The following CDC42BPA variants were observed in gnomAD, a reference collection of about 807,000 sequenced individuals.
CDC42BPA encodes CDC42 binding protein kinase alpha.
A neutral mutation model predicts 223.5 loss-of-function variants in CDC42BPA; 80 were observed. That is an observed-to-expected ratio of 0.36 (90% confidence interval 0.30 to 0.43). CDC42BPA has a LOEUF of 0.43. Ranked by LOEUF, CDC42BPA falls within the 20% of genes least tolerant of loss-of-function variation. The pLI is 1.00. For synonymous variants in CDC42BPA, 694 were observed against 718.6 expected (o/e 0.97, Z 0.55); for missense variants, 1,743 against 2,099.9 (o/e 0.83, Z 3.32).
At chr1:227,040,307 C>G (rs1671116491) in intron 23 of CDC42BPA, 71 bp from the exon 24 acceptor site, 2 of 837,690 alleles carry the variant, frequency 2.4e-6, no homozygotes, top group Non-Finnish European at 4.0e-6. Flanking sequence ...CCTTATGCCC[C>G]ATACCACTTT....
intron 34 of CDC42BPA, chr1:227,010,748 C>T (rs939636206): frequency 2.1e-5 from 6 of 291,764 alleles, no homozygotes; most frequent in Non-Finnish European, 3.6e-5. Context: ...AGAAGTTTGG[C>T]AGAAGAGAAA....
chr1:226,990,845 T>A lies in CDC42BPA; in HGVS notation c.*3423A>T, dbSNP rs1360962363. 1 of 152,662 alleles carries A rather than the reference T, an allele frequency of 6.6e-6. No homozygotes were observed. 9.5% of individuals were successfully genotyped at this position (152,662 alleles called of 1,614,324 possible). On this transcript the variant is annotated 3_prime_UTR_variant, in exon 37 of 37. Coordinates refer to ENST00000366766, the MANE Select transcript of CDC42BPA (RefSeq NM_001394014.1). ...GAGCTAGCCAGGAATGATAGATTGT[T>A]GCTGTAAACATGACAGGAATTTCAG... is the stretch of plus-strand genomic sequence containing the variant.
At chr1:227,273,857 G>GAAAAAAAAAAA (rs11295895) in intron 1 of CDC42BPA, among the ~76,000 whole-genome samples, 3 of 133,950 alleles carry the variant, frequency 2.2e-5, no homozygotes, top group Non-Finnish European at 3.2e-5. Context: ...AAGAAACAAG[G>GAAAAAAAAAAA]AAAAAAAAAA....
intron 9 of CDC42BPA, among the ~76,000 whole-genome samples, chr1:227,141,536 A>G (rs1659666269): frequency 6.6e-6 from 1 of 152,182 alleles, no homozygotes; most frequent in African/African-American, 2.4e-5. Flanking sequence ...AACAGTAAGT[A>G]GGCGGTAAAT....
At position 227,016,557 on chromosome 1, in the gene CDC42BPA, C is replaced by T. The variant is rs189595278; in HGVS notation, c.4740-360G>A. On this transcript the variant is annotated intron_variant, in intron 33 of 36. Coordinates refer to ENST00000366766, the MANE Select transcript of CDC42BPA (RefSeq NM_001394014.1). ...AACTGTAAATACTACAGTCCTACTT[C>T]TGTTTGCTCATGAAGAGAGTAGTTA... Among the ~76,000 whole-genome samples, 7 of 152,278 alleles carry T rather than the reference C, an allele frequency of 4.6e-5. No homozygotes were observed. In the East Asian group the frequency reaches 1.3e-3, roughly 29 times the overall value.
intron 11 of CDC42BPA, among the ~76,000 whole-genome samples, chr1:227,123,673 T>C (rs977927968): frequency 2.6e-5 from 4 of 152,216 alleles, no homozygotes; most frequent in Non-Finnish European, 5.9e-5. Context: ...CTAGACCCAG[T>C]GGGAGGTTGG....
intron 21 of CDC42BPA, among the ~76,000 whole-genome samples, chr1:227,054,774 G>A (rs1674224348): frequency 6.6e-6 from 1 of 152,066 alleles, no homozygotes. Context: ...TTTGCTGAAT[G>A]AGGTAAAAGG....
chr1:227,205,283 A>ATATATAT (rs1553394699), intron 3 of CDC42BPA, among the ~76,000 whole-genome samples: 2 of 122,770 alleles, frequency 1.6e-5, no homozygotes, highest in South Asian at 5.3e-4. Flanking sequence ...AAAAAAAAAA[A>ATATATAT]ATATATATAT....
At chr1:227,013,922 C>A (rs1285504784) in intron 34 of CDC42BPA, among the ~76,000 whole-genome samples, 2 of 152,080 alleles carry the variant, frequency 1.3e-5, no homozygotes, top group African/African-American at 4.8e-5. Context: ...TAAAATACTA[C>A]ACAGCACTTG....
chr1:227,188,910 G>A (rs1669262750), intron 5 of CDC42BPA, among the ~76,000 whole-genome samples: 1 of 152,074 alleles, frequency 6.6e-6, no homozygotes, highest in African/African-American at 2.4e-5. Flanking sequence ...CTCTGGTAAG[G>A]CATGTTGATA....
intron 5 of CDC42BPA, among the ~76,000 whole-genome samples, chr1:227,175,402 T>TC: frequency 6.6e-6 from 1 of 151,992 alleles, no homozygotes; most frequent in Non-Finnish European, 1.5e-5. Flanking sequence ...AAAGTCATAG[T>TC]CTATGCCTCT....
chr1:227,292,734 TACTC>T (rs1314548573), intron 1 of CDC42BPA, among the ~76,000 whole-genome samples: 2 of 152,210 alleles, frequency 1.3e-5, no homozygotes, highest in Non-Finnish European at 2.9e-5. Context: ...GAATATGTCT[TACTC>T]ACCTACCTTC....
chr1:227,229,118 C>G (rs4653808), intron 2 of CDC42BPA, among the ~76,000 whole-genome samples: 47,512 of 151,936 alleles, frequency 0.31, 7,620 homozygotes, highest in East Asian at 0.37. Flanking sequence ...AAATTTACAC[C>G]TATGTTTCCT....
chr1:227,043,095 A>C (rs772677717), intron 23 of CDC42BPA, among the ~76,000 whole-genome samples: 22 of 152,180 alleles, frequency 1.4e-4, no homozygotes, highest in Non-Finnish European at 2.8e-4. Context: ...CTTTTTTACA[A>C]AAAATTTTAA....
chr1:227,160,470 A>AAAAC, intron 6 of CDC42BPA, 73 bp downstream of exon 6: 1 of 982,556 alleles, frequency 1.0e-6, no homozygotes, highest in East Asian at 2.4e-5. Flanking sequence ...GATGGTTTCT[A>AAAAC]AAACAGATAT....
At position 227,266,484 on chromosome 1, in the gene CDC42BPA, T is replaced by C. The variant is rs946265163; in HGVS notation, c.179-12329A>G. Among the ~76,000 whole-genome samples, 83 of 152,326 alleles carry C rather than the reference T, an allele frequency of 5.4e-4. 2 individuals are homozygous for C. Among genetic ancestry groups the C allele is most frequent in the South Asian group, 4.1e-4 (2 of 4,828 alleles). On this transcript the variant is annotated intron_variant, in intron 1 of 36. Transcript: ENST00000366766. ...GCCTCAAGACTTATTTAGTAATAAA[T>C]GTTCTTGTGTTTTCGATCACTGTTA...
At chr1:227,030,744 A>C (rs2148660950) in intron 28 of CDC42BPA, among the ~76,000 whole-genome samples, 1 of 152,332 alleles carries the variant, frequency 6.6e-6, no homozygotes, top group East Asian at 1.9e-4. Context: ...TTCTACACTT[A>C]TTGTTTTGGG....
intron 1 of CDC42BPA, among the ~76,000 whole-genome samples, chr1:227,273,549 C>A (rs1364740082): frequency 4.9e-5 from 7 of 143,234 alleles, no homozygotes; most frequent in East Asian, 4.2e-4. Flanking sequence ...AAAAAAAAAA[C>A]CAACAACAAC....
At chr1:227,314,599 G>T (rs182623447) in intron 1 of CDC42BPA, among the ~76,000 whole-genome samples, 1 of 151,914 alleles carries the variant, frequency 6.6e-6, no homozygotes, top group Admixed American at 6.5e-5. Flanking sequence ...GAATACAGCC[G>T]GTAAGAATCT....
Sources: gnomAD v4.1 joint callset for allele counts (sites outside exome capture counted in the v4.1 genomes callset) on GRCh38, gnomAD v4.1.1 for gene constraint, MANE v1.5 for transcripts, NCBI Gene and HGNC (gene_info 2026-07-23, HGNC 2026-07-21) for gene names.